TASP1: variants seen among roughly 807,000 people sequenced by gnomAD.
The protein encoded by TASP1 is threonine aspartase 1.
A neutral mutation model predicts 56.6 loss-of-function variants in TASP1; 16 were observed. The observed-to-expected ratio is 0.28, with a 90% CI of 0.19 to 0.43. The LOEUF is 0.43. TASP1 is among the 20% of genes least tolerant of loss of function. The pLI is 1.00. For synonymous variants in TASP1, 179 were observed against 184.2 expected (o/e 0.97, Z 0.23); for missense variants, 393 against 511.6 (o/e 0.77, Z 2.24).
chr20:13,128,453 C>T, the TASP1 span, among the ~76,000 whole-genome samples: 1 of 152,208 alleles, frequency 6.6e-6, no homozygotes, highest in Non-Finnish European at 1.5e-5. Flanking sequence ...GACAGTGACT[C>T]AGGCTGCTTT....
chr20:13,442,572 G>A (rs1481347386), intron 11 of TASP1, among the ~76,000 whole-genome samples: 2 of 151,952 alleles, frequency 1.3e-5, no homozygotes, highest in Non-Finnish European at 2.9e-5. Context: ...AACCCCGGAG[G>A]TGGAGGTTGC....
chr20:13,123,117 G>A, the TASP1 span, among the ~76,000 whole-genome samples: 1 of 152,122 alleles, frequency 6.6e-6, no homozygotes, highest in Non-Finnish European at 1.5e-5. Context: ...GATTACCAGA[G>A]GTCAGGAGTT....
the TASP1 span, among the ~76,000 whole-genome samples, chr20:13,111,934 T>C: frequency 6.6e-6 from 1 of 152,154 alleles, no homozygotes; most frequent in Non-Finnish European, 1.5e-5. Context: ...GGCTTCTTAG[T>C]GGCCATGCCA....
chr20:13,255,041 C>T, the TASP1 span, among the ~76,000 whole-genome samples: 1 of 152,150 alleles, frequency 6.6e-6, no homozygotes, highest in African/African-American at 2.4e-5. Context: ...CTGGTAGGGG[C>T]CACAACACAG....
chr20:13,610,002 A>G (rs1443305604), intron 4 of TASP1, among the ~76,000 whole-genome samples: 2 of 152,242 alleles, frequency 1.3e-5, no homozygotes, highest in Non-Finnish European at 2.9e-5. Context: ...AAGCGAAAAA[A>G]GCCAGACAGC....
chr20:13,305,292 T>A, the TASP1 span, among the ~76,000 whole-genome samples: 1 of 152,228 alleles, frequency 6.6e-6, no homozygotes, highest in Admixed American at 6.5e-5. Flanking sequence ...TTTTAAGTAC[T>A]TTTCCATAAT....
intron 11 of TASP1, among the ~76,000 whole-genome samples, chr20:13,436,986 G>C (rs1464542837): frequency 6.6e-6 from 1 of 152,106 alleles, no homozygotes; most frequent in Non-Finnish European, 1.5e-5. Flanking sequence ...TTTTAGGAAA[G>C]ACAGAGACCA....
the TASP1 span, among the ~76,000 whole-genome samples, chr20:13,378,877 C>G: frequency 6.6e-6 from 1 of 152,158 alleles, no homozygotes; most frequent in Non-Finnish European, 1.5e-5. Flanking sequence ...TCTATTTTAT[C>G]AAATACTAAG....
At chr20:13,403,947 G>C (rs2041829405) in intron 13 of TASP1, among the ~76,000 whole-genome samples, 1 of 152,132 alleles carries the variant, frequency 6.6e-6, no homozygotes, top group South Asian at 2.1e-4. Flanking sequence ...TCAAAAAACA[G>C]AGGTATGATT....
chr20:13,158,675 T>A, the TASP1 span, among the ~76,000 whole-genome samples: 1 of 152,194 alleles, frequency 6.6e-6, no homozygotes, highest in African/African-American at 2.4e-5. Flanking sequence ...CTTCATCTCC[T>A]TCTAACCTTC....
At chr20:13,560,431 A>G (rs1476651491) in intron 7 of TASP1, among the ~76,000 whole-genome samples, 1 of 152,190 alleles carries the variant, frequency 6.6e-6, no homozygotes, top group Non-Finnish European at 1.5e-5. Context: ...CGTCAAGCCC[A>G]AAGCCCATTA....
chr20:13,417,293 TA>T (rs1187527305), intron 13 of TASP1, among the ~76,000 whole-genome samples, 154 bp downstream of exon 13: 1 of 152,228 alleles, frequency 6.6e-6, no homozygotes, highest in Non-Finnish European at 1.5e-5. Context: ...CTGGAGCTGT[TA>T]GCATTGTTAA....
chr20:13,399,271 G>GT (rs1449334235), intron 13 of TASP1, among the ~76,000 whole-genome samples: 4 of 152,004 alleles, frequency 2.6e-5, no homozygotes, highest in African/African-American at 9.7e-5. Context: ...TCATCCAAAT[G>GT]TTTTTTAAAA....
chr20:13,407,074 C>T (rs759624133), intron 13 of TASP1, among the ~76,000 whole-genome samples: 3 of 152,174 alleles, frequency 2.0e-5, no homozygotes, highest in Non-Finnish European at 4.4e-5. Flanking sequence ...TATCAATTAA[C>T]ATTTTTAACA....
chr20:13,523,792 A>C (rs1233337178), intron 10 of TASP1, among the ~76,000 whole-genome samples: 3 of 152,140 alleles, frequency 2.0e-5, no homozygotes, highest in African/African-American at 7.2e-5. Flanking sequence ...AGCAGAAACA[A>C]GGTAGTAGGT....
chr20:13,199,775 C>T, the TASP1 span, among the ~76,000 whole-genome samples: 8 of 152,166 alleles, frequency 5.3e-5, no homozygotes, highest in South Asian at 2.1e-4. Flanking sequence ...GTTCAAGAAG[C>T]GGCCAGGATG....
the TASP1 span, chr20:13,126,543 T>A: frequency 6.2e-7 from 1 of 1,605,152 alleles, no homozygotes; most frequent in African/African-American, 1.3e-5. Context: ...CCACCACCAG[T>A]GTTGAGATTT....
chr20:13,142,114 A>T, the TASP1 span, among the ~76,000 whole-genome samples: 2 of 152,236 alleles, frequency 1.3e-5, no homozygotes, highest in Non-Finnish European at 2.9e-5. Context: ...AGAGTTAGCC[A>T]AGGGTAGACT....
chr20:13,344,279 A>G, the TASP1 span, among the ~76,000 whole-genome samples: 9 of 152,054 alleles, frequency 5.9e-5, no homozygotes, highest in African/African-American at 2.2e-4. Context: ...ATATTTGCGC[A>G]CACACACACG....
Sources: allele counts gnomAD v4.1 joint callset (sites outside exome capture counted in the v4.1 genomes callset), GRCh38; gene constraint gnomAD v4.1.1; transcripts MANE v1.5; gene names NCBI Gene and HGNC (gene_info 2026-07-23, HGNC 2026-07-21).